MECOM: variants seen among roughly 807,000 people sequenced by gnomAD.
MECOM encodes the protein histone-lysine N-methyltransferase MECOM.
MECOM carries 13 observed loss-of-function variants against 116.3 expected under a neutral mutation model. That is an observed-to-expected ratio of 0.11 (90% CI 0.07 to 0.18). MECOM has a LOEUF of 0.18. Among genes scored for constraint, MECOM ranks in the 10% least tolerant of loss-of-function variants. The pLI, the probability that MECOM is intolerant of heterozygous loss-of-function variation, is 1.00. For missense variants in MECOM, 1,299 were observed against 1,509.0 expected, an observed-to-expected ratio of 0.86 and a Z score of 2.31; for synonymous variants, 528 against 535.2, an observed-to-expected ratio of 0.99 and a Z score of 0.19.
chr3:169,238,567 C>T (rs139888627), intron 2 of MECOM, among the ~76,000 whole-genome samples: 4,343 of 152,168 alleles, frequency 0.029, 89 homozygotes, highest in Non-Finnish European at 0.044. Flanking sequence ...AAAAACCCCA[C>T]GAACAAACCA....
At chr3:169,169,368 C>T (rs1475478999) in intron 2 of MECOM, among the ~76,000 whole-genome samples, 1 of 151,954 alleles carries the variant, frequency 6.6e-6, no homozygotes, top group Admixed American at 6.6e-5. Flanking sequence ...TTAAATTAAC[C>T]TCATTACTTC....
At chr3:169,413,393 C>T (rs954254944) in intron 1 of MECOM, among the ~76,000 whole-genome samples, 7 of 152,136 alleles carry the variant, frequency 4.6e-5, no homozygotes, top group Non-Finnish European at 8.8e-5. Flanking sequence ...ACCTACACCA[C>T]AAGTGCCCTC....
chr3:169,372,736 G>A (rs1730350945), intron 2 of MECOM, among the ~76,000 whole-genome samples: 1 of 151,944 alleles, frequency 6.6e-6, no homozygotes, highest in Non-Finnish European at 1.5e-5. Flanking sequence ...TGCCAGCTCT[G>A]TGCTAAGCTC....
chr3:169,423,440 T>C (rs1044104654), intron 1 of MECOM, among the ~76,000 whole-genome samples: 3 of 152,132 alleles, frequency 2.0e-5, no homozygotes, highest in Non-Finnish European at 4.4e-5. Context: ...AGTTTTCCGA[T>C]CACCTGAAAG....
intron 2 of MECOM, among the ~76,000 whole-genome samples, chr3:169,289,425 T>G (rs746550001): frequency 1.2e-4 from 19 of 152,228 alleles, no homozygotes; most frequent in Non-Finnish European, 2.4e-4. Context: ...ATGTCCTAAT[T>G]AATCAGTACT....
intron 2 of MECOM, chr3:169,149,706 A>C (rs547748606): frequency 2.1e-6 from 1 of 468,390 alleles, no homozygotes; most frequent in Non-Finnish European, 4.3e-6. Context: ...TCTCTTCCCC[A>C]AATACAACCA....
intron 1 of MECOM, among the ~76,000 whole-genome samples, chr3:169,432,135 C>G (rs1201261856): frequency 1.3e-5 from 2 of 151,626 alleles, no homozygotes; most frequent in Non-Finnish European, 2.9e-5. Flanking sequence ...AGTGATAGTT[C>G]CACTGTCATT....
chr3:169,655,406 ACT>A (rs1479585179), intron 1 of MECOM, among the ~76,000 whole-genome samples: 1 of 152,168 alleles, frequency 6.6e-6, no homozygotes, highest in African/African-American at 2.4e-5. Context: ...TGACTTACAA[ACT>A]CAATCCACTA....
chr3:169,405,947 C>A (rs928974003), intron 1 of MECOM, among the ~76,000 whole-genome samples: 2 of 152,178 alleles, frequency 1.3e-5, no homozygotes, highest in Non-Finnish European at 2.9e-5. Context: ...AAAATGCCAA[C>A]AGACTTCATC....
intron 2 of MECOM, among the ~76,000 whole-genome samples, chr3:169,262,726 G>A (rs946017237): frequency 1.3e-5 from 2 of 152,082 alleles, no homozygotes; most frequent in Admixed American, 1.3e-4. Context: ...ATTAGACATC[G>A]ATTAAGACAT....
At chr3:169,230,163 C>T (rs1375941582) in intron 2 of MECOM, among the ~76,000 whole-genome samples, 4 of 152,118 alleles carry the variant, frequency 2.6e-5, no homozygotes, top group Non-Finnish European at 4.4e-5. Flanking sequence ...CCTATGTTCA[C>T]CTCATTTCCC....
At chr3:169,337,130 G>C (rs997835208) in intron 2 of MECOM, among the ~76,000 whole-genome samples, 1 of 152,132 alleles carries the variant, frequency 6.6e-6, no homozygotes. Context: ...TGAAATCACT[G>C]CTTAATTTAG....
chr3:169,382,849 CA>C (rs1157852145), intron 1 of MECOM, among the ~76,000 whole-genome samples: 1,917 of 47,104 alleles, frequency 0.041, 65 homozygotes, highest in Middle Eastern at 0.096. Context: ...AAGCCCATCT[CA>C]AAAAAAAAAA....
rs141375064 is a variant in MECOM, at chr3:169,415,734, G to A, written c.38-34210C>T. Among the ~76,000 whole-genome samples the A allele has an allele frequency of 1.8e-3, 279 of 152,104 alleles. 5 individuals carry two copies. In the East Asian group the frequency reaches 0.048, roughly 26 times the overall value. ...AAAAAAAGCATGGGTTGCAATCCTA[G>A]TCTCTGTTAAAACAGACTTTAAACC... is the stretch of plus-strand genomic sequence containing the variant. On this transcript the variant is annotated intron_variant, in intron 1 of 16. Coordinates refer to ENST00000651503, the MANE Select transcript of MECOM (RefSeq NM_004991.4).
At chr3:169,471,028 T>C (rs78917171) in intron 1 of MECOM, among the ~76,000 whole-genome samples, 1,630 of 152,186 alleles carry the variant, frequency 0.011, 47 homozygotes, top group East Asian at 0.078. Context: ...CTTGCCTCAC[T>C]GCAGCCTCCT....
intron 15 of MECOM, 79 bp from the exon 16 acceptor site, chr3:169,089,262 T>A: frequency 9.3e-7 from 1 of 1,075,298 alleles, no homozygotes; most frequent in Non-Finnish European, 1.2e-6. Context: ...TGAATCTATC[T>A]ATACAACTGA....
intron 2 of MECOM, among the ~76,000 whole-genome samples, chr3:169,307,082 C>T (rs1188549481): frequency 6.6e-6 from 1 of 152,188 alleles, no homozygotes; most frequent in Non-Finnish European, 1.5e-5. Context: ...ACTGGTTTCT[C>T]TCTTGATATT....
intron 1 of MECOM, among the ~76,000 whole-genome samples, chr3:169,555,076 AT>A (rs1316586760): frequency 2.0e-5 from 3 of 152,206 alleles, no homozygotes; most frequent in Non-Finnish European, 4.4e-5. Context: ...TGTCATTTAT[AT>A]TTCTAACAGA....
intron 16 of MECOM, among the ~76,000 whole-genome samples, chr3:169,085,767 T>C (rs535177521): frequency 2.0e-5 from 3 of 152,308 alleles, no homozygotes; most frequent in South Asian, 4.1e-4. Flanking sequence ...AGGTGCTCTG[T>C]GAGGAAGTAC....
Sources: gnomAD v4.1 joint callset for allele counts (sites outside exome capture counted in the v4.1 genomes callset) on GRCh38, gnomAD v4.1.1 for gene constraint, MANE v1.5 for transcripts, NCBI Gene and HGNC (gene_info 2026-07-23, HGNC 2026-07-21) for gene names.